The following SPINT2 variants were observed in gnomAD, a reference collection of about 807,000 sequenced individuals.
The protein encoded by SPINT2 is kunitz-type protease inhibitor 2.
Under a neutral mutation model 30.1 loss-of-function variants are expected in SPINT2, and 18 were observed. The observed-to-expected ratio is 0.60, with a 90% CI of 0.41 to 0.89. The LOEUF (loss-of-function observed/expected upper bound fraction) is 0.89. Ranked by LOEUF, SPINT2 falls within the 40% of genes least tolerant of loss-of-function variation. SPINT2 has a pLI of 0.00. For missense variants in SPINT2, 276 were observed against 334.3 expected, an observed-to-expected ratio of 0.83 and a Z score of 1.36; for synonymous variants, 139 against 137.9, an observed-to-expected ratio of 1.01 and a Z score of -0.05.
rs1968708772 is a variant in SPINT2, at chr19:38,290,770, A to T, written c.592+195A>T. ...AGTGTACACAGTTGGGGCTGGAGTG[A>T]GTCAGTCACAAGGCAGGCCCTGCCC... On this transcript the variant is annotated intron_variant, in intron 6 of 6. Transcript: ENST00000301244. The surrounding 1 kb of genome is among the most constrained non-coding windows in gnomAD (Gnocchi z 4.3). The T allele has an allele frequency of 2.5e-6, 2 of 785,678 alleles. No homozygotes were observed. Among genetic ancestry groups the T allele is most frequent in the Non-Finnish European group, 4.2e-6 (2 of 480,230 alleles). The allele number at this position is 785,678 out of a possible 1,614,324, so 48.7% of individuals were successfully genotyped here.
intron 4 of SPINT2, chr19:38,289,501 A>C (rs1457608767): frequency 4.2e-6 from 1 of 239,522 alleles, no homozygotes; most frequent in Non-Finnish European, 8.2e-6. Context: ...AAAAAAAAAA[A>C]AAAAAAAAAA....
chr19:38,284,764 T>C (rs1968622099), intron 2 of SPINT2, among the ~76,000 whole-genome samples: 1 of 152,200 alleles, frequency 6.6e-6, no homozygotes, highest in Non-Finnish European at 1.5e-5. Flanking sequence ...TTATTTTATT[T>C]TGAGACAGAG....
intron 2 of SPINT2, among the ~76,000 whole-genome samples, chr19:38,284,628 T>C (rs760729285): frequency 1.3e-4 from 20 of 152,192 alleles, no homozygotes; most frequent in African/African-American, 9.6e-5. Context: ...GCTTCCTTTC[T>C]CCCACTTTAC....
rs138830047 is a variant in SPINT2, at chr19:38,290,328, C to T, written c.553+48C>T. ...CAGGAAGCCCTGCCCTTGAGGACCC[C>T]GGTCCATCTCCCCATCCCTAAAATA... On this transcript the variant is annotated intron_variant, in intron 5 of 6. Transcript: ENST00000301244. The surrounding 1 kb of genome is among the most constrained non-coding windows in gnomAD (Gnocchi z 4.3). 109 of 1,599,130 alleles carry T rather than the reference C, an allele frequency of 6.8e-5. No individual in the cohort carries two copies. Among genetic ancestry groups the T allele is most frequent in the Non-Finnish European group, 7.5e-5 (88 of 1,173,638 alleles).
chr19:38,267,240 G>C (rs375966579), intron 1 of SPINT2, among the ~76,000 whole-genome samples: 7 of 152,332 alleles, frequency 4.6e-5, no homozygotes, highest in African/African-American at 1.7e-4. Flanking sequence ...TTGAAAGCTT[G>C]AACAGCTTAA....
rs1968700280 is a variant in SPINT2 at position 38,290,246 on chromosome 19, C to T, written c.519C>T (p.Tyr173=). The change falls in exon 5 of 7, where the codon TAC becomes TAT. Residue 173 remains tyrosine (Y), a synonymous_variant. Coordinates refer to ENST00000301244, the MANE Select transcript of SPINT2 (RefSeq NM_021102.4). This position sits in a 1 kb window ranked among gnomAD's most constrained non-coding sequence, Gnocchi z 4.3. ...YGGCRGNKNS[Y]RSEEACMLRC... ...GCTGCCGGGGCAATAAGAACAGCTA[C>T]CGCTCTGAGGAGGCCTGCATGCTCC... The T allele has an allele frequency of 6.2e-7, 1 of 1,612,284 alleles. No homozygotes were observed. Among genetic ancestry groups the T allele is most frequent in the East Asian group, 2.2e-5 (1 of 44,886 alleles).
At position 38,291,829 on chromosome 19, in the gene SPINT2, C is replaced by T. The variant is rs751326074; in HGVS notation, c.593-11C>T. 5 of 1,611,862 alleles carry T rather than the reference C, an allele frequency of 3.1e-6. No homozygotes were observed. In the Admixed American group the frequency reaches 8.3e-5, roughly 27 times the overall value. On this transcript the variant is annotated splice_polypyrimidine_tract_variant and intron_variant, in intron 6 of 6. Coordinates refer to ENST00000301244, the MANE Select transcript of SPINT2 (RefSeq NM_021102.4). ...GCCTGGCCCGTCCTGAGGCCCCTCT[C>T]TCGTCCTCAGTGGTGGTTCTGGCGG...
intron 2 of SPINT2, among the ~76,000 whole-genome samples, chr19:38,284,337 C>G (rs2146275487): frequency 6.6e-6 from 1 of 152,058 alleles, no homozygotes; most frequent in Non-Finnish European, 1.5e-5. Flanking sequence ...TCAAGTGATC[C>G]TCCCACCTGG....
chr19:38,276,028 A>C (rs2146270017), intron 1 of SPINT2, among the ~76,000 whole-genome samples: 1 of 152,230 alleles, frequency 6.6e-6, no homozygotes, highest in East Asian at 1.9e-4. Flanking sequence ...CGCCCAGCTG[A>C]CAAAAATTTT....
At chr19:38,291,481 G>A (rs778937937) in intron 6 of SPINT2, 10 of 270,064 alleles carry the variant, frequency 3.7e-5, no homozygotes, top group Non-Finnish European at 5.8e-5. Context: ...TGTACACACC[G>A]GTGCTAAGTG....
At chr19:38,274,023 G>T (rs1018080619) in intron 1 of SPINT2, among the ~76,000 whole-genome samples, 1 of 152,086 alleles carries the variant, frequency 6.6e-6, no homozygotes, top group Non-Finnish European at 1.5e-5. Flanking sequence ...TTGAGCCCAG[G>T]ACTTCAATAC....
chr19:38,274,610 G>C (rs1039117599), intron 1 of SPINT2, among the ~76,000 whole-genome samples: 7 of 152,064 alleles, frequency 4.6e-5, no homozygotes, highest in Admixed American at 3.3e-4. Context: ...TTGAGGTTAG[G>C]AGTTTGAGGC....
chr19:38,270,530 G>A (rs1205579485), intron 1 of SPINT2, among the ~76,000 whole-genome samples: 1 of 152,210 alleles, frequency 6.6e-6, no homozygotes, highest in Non-Finnish European at 1.5e-5. Flanking sequence ...GTCTGGTGAT[G>A]AGTGTCAGGG....
chr19:38,286,503 C>T (rs931089473), intron 2 of SPINT2, among the ~76,000 whole-genome samples: 7 of 152,186 alleles, frequency 4.6e-5, no homozygotes, highest in Admixed American at 2.0e-4. Context: ...TCATGTGGGC[C>T]GGGTGCGGCG....
At chr19:38,273,554 G>A (rs147523301) in intron 1 of SPINT2, among the ~76,000 whole-genome samples, 1 of 152,338 alleles carries the variant, frequency 6.6e-6, no homozygotes, top group East Asian at 1.9e-4. Flanking sequence ...GATGCTTGAA[G>A]TGCAAGTGCA....
At chr19:38,275,332 CTTA>C (rs930576326) in intron 1 of SPINT2, among the ~76,000 whole-genome samples, 20 of 151,724 alleles carry the variant, frequency 1.3e-4, no homozygotes, top group African/African-American at 4.8e-4. Context: ...TTTTTCTTTC[CTTA>C]TTTTTTTGAC....
intron 1 of SPINT2, among the ~76,000 whole-genome samples, chr19:38,277,782 G>A (rs1001574596): frequency 6.6e-6 from 1 of 152,204 alleles, no homozygotes; most frequent in Non-Finnish European, 1.5e-5. Context: ...TTCGGATAAT[G>A]TGTGACTTTT....
In SPINT2 at chr19:38,292,132, C is replaced by T. The variant is rs1285819220; in HGVS notation, c.*126C>T. On this transcript the variant is annotated 3_prime_UTR_variant, in exon 7 of 7. Coordinates refer to ENST00000301244, the MANE Select transcript of SPINT2 (RefSeq NM_021102.4). ...AGGTCTGTTTCTCTGGGAGGTAGGA[C>T]GGCTGCTTCCTGGTCTGGCAGGGAT... 5.0e-5 allele frequency: 68 copies of T among 1,346,908 alleles called. No individual in the cohort carries two copies. Among genetic ancestry groups the T allele is most frequent in the South Asian group, 1.4e-4 (11 of 77,916 alleles). The allele number at this position is 1,346,908 out of a possible 1,614,324, so 83.4% of individuals were successfully genotyped here.
At position 38,283,902 on chromosome 19, in the gene SPINT2, C is replaced by T. The variant is rs527882733; in HGVS notation, c.277+105C>T. On this transcript the variant is annotated intron_variant, in intron 2 of 6. Transcript: ENST00000301244. ...TGTCGCCCAGGCTGGAGTGCAGTGGCGCGATCTTGGCTCACTGCAAGCTCC... is the reference window on the plus strand; with the variant it reads ...TGTCGCCCAGGCTGGAGTGCAGTGGTGCGATCTTGGCTCACTGCAAGCTCC... 108 of 1,327,722 alleles carry T rather than the reference C, an allele frequency of 8.1e-5. No individual in the cohort carries two copies. The African/African-American group carries it at 1.1e-3, about 14-fold the overall frequency. 82.2% of individuals were successfully genotyped at this position (1,327,722 alleles called of 1,614,324 possible). A position where few individuals can be genotyped will look rare whatever the true frequency, so the allele number is the denominator to read the frequency against.
Sources: allele counts gnomAD v4.1 joint callset (sites outside exome capture counted in the v4.1 genomes callset), GRCh38; gene constraint gnomAD v4.1.1; non-coding constraint Gnocchi (gnomAD v3.1); transcripts MANE v1.5; gene names NCBI Gene and HGNC (gene_info 2026-07-23, HGNC 2026-07-21).